Variants in ELAVL4 observed in about 807,000 individuals in gnomAD.
ELAVL4 encodes the protein ELAV-like protein 4.
A neutral mutation model predicts 35.6 loss-of-function variants in ELAVL4; 1 was observed. The ratio of observed to expected loss-of-function variants is 0.03; its 90% confidence interval spans 0.01 to 0.13. The LOEUF is 0.13. Ranked by LOEUF, ELAVL4 falls within the 10% of genes least tolerant of loss-of-function variation. The pLI is 1.00. For synonymous variants in ELAVL4, 156 were observed against 171.0 expected (o/e 0.91, Z 0.69); for missense variants, 267 against 464.9 (o/e 0.57, Z 3.91).
intron 2 of ELAVL4, among the ~76,000 whole-genome samples, chr1:50,160,332 G>A (rs1676576244): frequency 6.6e-6 from 1 of 152,100 alleles, no homozygotes; most frequent in African/African-American, 2.4e-5. Flanking sequence ...TGCATGAGTT[G>A]TTCTTGGGTT....
Position 50,109,507 on chromosome 1 carries a change from G to A in ELAVL4, c.9+309G>A, listed in dbSNP as rs561694895. 871 of 368,206 alleles carry A rather than the reference G, an allele frequency of 2.4e-3. 1 individual carries two copies. Among genetic ancestry groups the A allele is most frequent in the Admixed American group, 4.1e-3 (96 of 23,262 alleles). 22.8% of individuals were successfully genotyped at this position (368,206 alleles called of 1,614,324 possible). ...AGGTTATATTACTTGAGACATAATG[G>A]CAAAAGAAGGGTTTTCTTTTTTGTA... is the stretch of plus-strand genomic sequence containing the variant. On this transcript the variant is annotated intron_variant, in intron 1 of 6. Transcript: ENST00000371824.
At position 50,108,999 on chromosome 1, in the gene ELAVL4, C is replaced by CTTTT; in HGVS notation, c.-186_-183dup. 8.7e-7 allele frequency: 1 copy of CTTTT among 1,143,842 alleles called. No individual in the cohort carries two copies. The highest frequency in any genetic ancestry group is 1.1e-6 in the Non-Finnish European group (1 of 925,994). 70.9% of individuals were successfully genotyped at this position (1,143,842 alleles called of 1,614,324 possible). ...GGGGTTTCAGCTCACTGCTCCTTTT[C>CTTTT]TTTTTTTTCTTTCTCTCCCCCGCCC... On this transcript the variant is annotated 5_prime_UTR_variant, in exon 1 of 7. Coordinates refer to ENST00000371824, the MANE Select transcript of ELAVL4 (RefSeq NM_001144774.3).
intron 2 of ELAVL4, among the ~76,000 whole-genome samples, chr1:50,162,924 C>CA (rs1443970025): frequency 6.6e-6 from 1 of 152,142 alleles, no homozygotes; most frequent in African/African-American, 2.4e-5. Context: ...AGAGAGCAGA[C>CA]ACACTCAAAA....
chr1:50,179,096 A>G (rs1680600949), intron 3 of ELAVL4, among the ~76,000 whole-genome samples: 1 of 152,018 alleles, frequency 6.6e-6, no homozygotes, highest in Admixed American at 6.6e-5. Flanking sequence ...GATCTTAGAG[A>G]CAAGGATCAT....
intron 3 of ELAVL4, among the ~76,000 whole-genome samples, chr1:50,189,285 G>C (rs183319330): frequency 2.0e-5 from 3 of 152,338 alleles, no homozygotes; most frequent in Admixed American, 2.0e-4. Context: ...ACCCTGCCCA[G>C]GCCAAGCCCT....
At chr1:50,171,621 T>C (rs1679021440) in intron 2 of ELAVL4, among the ~76,000 whole-genome samples, 2 of 152,226 alleles carry the variant, frequency 1.3e-5, no homozygotes. Flanking sequence ...ACTTTGATTG[T>C]GAGAATTAAG....
In ELAVL4 at chr1:50,074,522, G is replaced by A. The variant is rs1394458242; in HGVS notation, c.18+26340G>A. Among the ~76,000 whole-genome samples, 4 of 152,214 alleles carry A rather than the reference G, an allele frequency of 2.6e-5. No homozygotes were observed. In the East Asian group the frequency reaches 5.8e-4, roughly 22 times the overall value. ...ATTCACTGAGGCTGATTATATGTCC[G>A]GTTTTGTATTGGCTCCGGAGTTTTC... On this transcript the variant is annotated intron_variant, in intron 1 of 6. Coordinates refer to the ELAVL4 transcript ENST00000448907.
At chr1:50,109,525 T>C (rs1287047119) in intron 1 of ELAVL4, 5 of 351,108 alleles carry the variant, frequency 1.4e-5, no homozygotes, top group Non-Finnish European at 2.6e-5. Flanking sequence ...AGGGTTTTCT[T>C]TTTTGTAAGG....
intron 1 of ELAVL4, among the ~76,000 whole-genome samples, chr1:50,125,799 C>G (rs527380817): frequency 2.4e-4 from 37 of 152,172 alleles, no homozygotes; most frequent in African/African-American, 8.9e-4. Flanking sequence ...TTGGCATTAT[C>G]ATAGGATTCT....
intron 1 of ELAVL4, 53 bp from the exon 2 acceptor site, chr1:50,144,903 AC>A: frequency 6.3e-7 from 1 of 1,584,940 alleles, no homozygotes; most frequent in Non-Finnish European, 8.5e-7. Flanking sequence ...TTTAAAAGAG[AC>A]TTTGTGTCTG....
chr1:50,176,030 A>C (rs541000287), intron 2 of ELAVL4, among the ~76,000 whole-genome samples: 83 of 152,288 alleles, frequency 5.5e-4, no homozygotes, highest in African/African-American at 1.9e-3. Context: ...GTGTTTCTTA[A>C]AGGGTATGTC....
chr1:50,135,135 A>G (rs1057344327), intron 1 of ELAVL4, among the ~76,000 whole-genome samples: 11 of 152,108 alleles, frequency 7.2e-5, no homozygotes, highest in South Asian at 2.1e-4. Context: ...GACTACCACC[A>G]CTGAGAATAC....
intron 1 of ELAVL4, among the ~76,000 whole-genome samples, chr1:50,088,303 G>A (rs1665337984): frequency 6.6e-6 from 1 of 152,118 alleles, no homozygotes; most frequent in African/African-American, 2.4e-5. Flanking sequence ...CTTAATTATA[G>A]GCGAATACAC....
intron 1 of ELAVL4, among the ~76,000 whole-genome samples, chr1:50,069,463 C>T (rs1167247400): frequency 6.6e-6 from 1 of 152,168 alleles, no homozygotes; most frequent in Non-Finnish European, 1.5e-5. Context: ...ACATGGGTGC[C>T]TGTGATCTAT....
rs1335357312 is a variant in ELAVL4 at position 50,200,768 on chromosome 1, C to A, written c.774-83C>A. 4.5e-6 allele frequency: 7 copies of A among 1,557,890 alleles called. No individual in the cohort carries two copies. The Admixed American group carries it at 9.2e-5, about 21-fold the overall frequency. The stretch of plus-strand genomic sequence containing the variant: ...GTAAACACTCACTCAGCCCTCTGCC[C>A]CATGTCTGTGTCTGTGCATCTGTGT... On this transcript the variant is annotated intron_variant, in intron 6 of 6. Transcript: ENST00000371824.
intron 1 of ELAVL4, chr1:50,048,203 G>A: frequency 6.6e-7 from 1 of 1,510,672 alleles, no homozygotes; most frequent in Non-Finnish European, 8.8e-7. Context: ...CTCGGCGCAG[G>A]CCCCGCACCC....
At chr1:50,067,284 G>C (rs540349546) in intron 1 of ELAVL4, among the ~76,000 whole-genome samples, 7 of 152,138 alleles carry the variant, frequency 4.6e-5, no homozygotes, top group African/African-American at 1.7e-4. Context: ...AAATATGTTC[G>C]TATTCTTGAG....
intron 1 of ELAVL4, among the ~76,000 whole-genome samples, chr1:50,143,146 C>T (rs1182313056): frequency 6.6e-6 from 1 of 152,174 alleles, no homozygotes; most frequent in Non-Finnish European, 1.5e-5. Context: ...GGGTGCCAGT[C>T]ATGTTCTGTA....
At chr1:50,128,397 A>C (rs1387723596) in intron 1 of ELAVL4, among the ~76,000 whole-genome samples, 1 of 152,130 alleles carries the variant, frequency 6.6e-6, no homozygotes, top group Non-Finnish European at 1.5e-5. Flanking sequence ...AGGCAAGGGA[A>C]GCAGATTTGG....
Sources: gnomAD v4.1 joint callset for allele counts (sites outside exome capture counted in the v4.1 genomes callset) on GRCh38, gnomAD v4.1.1 for gene constraint, MANE v1.5 for transcripts, NCBI Gene and HGNC (gene_info 2026-07-23, HGNC 2026-07-21) for gene names.